Variants in ALG9 observed in about 807,000 individuals in gnomAD.
ALG9 encodes alpha-1,2-mannosyltransferase ALG9.
Under a neutral mutation model 81.8 loss-of-function variants are expected in ALG9, and 55 were observed. That is an observed-to-expected ratio of 0.67 (90% CI 0.54 to 0.84). The LOEUF (loss-of-function observed/expected upper bound fraction) is 0.84. ALG9 is among the 40% of genes least tolerant of loss of function. The pLI, the probability that ALG9 is intolerant of heterozygous loss-of-function variation, is 0.00. For synonymous variants in ALG9, 278 were observed against 274.3 expected (o/e 1.01, Z -0.13); for missense variants, 629 against 745.0 (o/e 0.84, Z 1.81).
chr11:111,871,367 G>C lies in ALG9; in HGVS notation c.116C>G (p.Ala39Gly), dbSNP rs1023214859. The C allele has an allele frequency of 6.5e-7, 1 of 1,531,298 alleles. No homozygotes were observed. Among genetic ancestry groups the C allele is most frequent in the Non-Finnish European group, 8.7e-7 (1 of 1,144,950 alleles). 94.9% of individuals were successfully genotyped at this position (1,531,298 alleles called of 1,614,324 possible). The change falls in exon 1 of 15, where the codon GCG becomes GGG. Residue 39 changes from alanine (A) to glycine (G), a missense_variant. By Grantham distance (60) the Ala-to-Gly change is moderately conservative. Transcript: ENST00000616540. ...ELLGSREAGG[A>G]EHRTELSGNK... The stretch of plus-strand genomic sequence containing the variant: ...GCACACGTACTCGGTCCGGTGCTCC[G>C]CGCCGCCCGCCTCTCGGCTGCCCAG...
rs373274430 is a variant in ALG9 at position 111,865,727 on chromosome 11, C to A, written c.406-476G>T. Among the ~76,000 whole-genome samples, 6 of 152,222 alleles carry A rather than the reference C, an allele frequency of 3.9e-5. No individual in the cohort carries two copies. The East Asian group carries it at 1.2e-3, about 29-fold the overall frequency. ...GAGAAAATGTACAATATTATTTATACATCAGTTACAGCTATGGACACTATA... is the reference window on the plus strand; with the variant it reads ...GAGAAAATGTACAATATTATTTATAAATCAGTTACAGCTATGGACACTATA... On this transcript the variant is annotated intron_variant, in intron 3 of 14. Transcript: ENST00000616540.
At chr11:111,837,370 T>C (rs2136826513) in intron 12 of ALG9, 98 bp downstream of exon 12, 3 of 1,421,356 alleles carry the variant, frequency 2.1e-6, no homozygotes, top group South Asian at 2.3e-5. Flanking sequence ...TAACTCTCTG[T>C]GAAAACTCCA....
chr11:111,837,648 A>T, intron 11 of ALG9, 33 bp from the exon 12 acceptor site: 1 of 1,607,644 alleles, frequency 6.2e-7, no homozygotes, highest in Non-Finnish European at 8.5e-7. Context: ...AGAGCCAGAG[A>T]TGAGTAAGAT....
At chr11:111,870,525 T>C (rs1349598018) in intron 1 of ALG9, among the ~76,000 whole-genome samples, 155 bp from the exon 2 acceptor site, 1 of 152,190 alleles carries the variant, frequency 6.6e-6, no homozygotes, top group African/African-American at 2.4e-5. Context: ...AGTTGTTTTT[T>C]CTCAGTAAAA....
intron 14 of ALG9, chr11:111,788,536 G>A (rs1436184941): frequency 1.1e-5 from 5 of 438,890 alleles, no homozygotes; most frequent in Admixed American, 5.3e-5. Context: ...TTGAGCCCAG[G>A]AGTTTGAGCC....
Position 111,833,148 on chromosome 11 carries a change from G to T in ALG9, c.1602+3017C>A, listed in dbSNP as rs531222101. ...CTGAAGAGCTGTTTTTTCCTCCAAG[G>T]TTTCATCCATTGACTAGGTAGCTCC... On this transcript the variant is annotated intron_variant, in intron 13 of 14. Transcript: ENST00000616540. 2.0e-5 allele frequency among the ~76,000 whole-genome samples: 3 copies of T among 152,192 alleles called. No individual in the cohort carries two copies. In the East Asian group the frequency reaches 5.8e-4, roughly 29 times the overall value.
In ALG9 at chr11:111,835,252, C is replaced by T. The variant is rs540670379; in HGVS notation, c.1602+913G>A. On this transcript the variant is annotated intron_variant, in intron 13 of 14. Transcript: ENST00000616540. ...TGTGCTTTCTAATAATTCTAGACAA[C>T]GATCTTACACTGTCTTTGTGACCCA... Among the ~76,000 whole-genome samples, 7 of 152,312 alleles carry T rather than the reference C, an allele frequency of 4.6e-5. No individual in the cohort carries two copies. The South Asian group carries it at 8.3e-4, about 18-fold the overall frequency.
the ALG9 span, among the ~76,000 whole-genome samples, chr11:111,774,667 G>A: frequency 2.0e-5 from 3 of 151,998 alleles, no homozygotes; most frequent in African/African-American, 7.3e-5. Flanking sequence ...TTTTTCTATT[G>A]CAGGACTCAC....
At chr11:111,858,798 A>C (rs754341011) in intron 5 of ALG9, among the ~76,000 whole-genome samples, 16 of 152,242 alleles carry the variant, frequency 1.1e-4, no homozygotes, top group Non-Finnish European at 1.9e-4. Context: ...TTTTAAACTC[A>C]GCAAAGGGTT....
chr11:111,850,706 C>CAAAAAAAAAAA lies in ALG9; in HGVS notation c.895+2663_895+2673dup, dbSNP rs782114013. 4.3e-4 allele frequency among the ~76,000 whole-genome samples: 29 copies of CAAAAAAAAAAA among 66,668 alleles called. 2 individuals carry two copies. Among genetic ancestry groups the CAAAAAAAAAAA allele is most frequent in the African/African-American group, 1.6e-3 (17 of 10,858 alleles). The allele number at this position is 66,668 out of a possible 152,430, so 43.7% of individuals were successfully genotyped here. A position where few individuals can be genotyped will look rare whatever the true frequency, so the allele number is the denominator to read the frequency against. On this transcript the variant is annotated intron_variant, in intron 8 of 14. Transcript: ENST00000616540. ...CGGGTGACAGAGCGAGATACTGTCT[C>CAAAAAAAAAAA]AAAAAAAAAAAAAAAAAATCAGACA...
intron 8 of ALG9, among the ~76,000 whole-genome samples, chr11:111,850,099 T>C (rs139650377): frequency 1.9e-3 from 296 of 152,324 alleles, no homozygotes; most frequent in Admixed American, 7.4e-3. Flanking sequence ...CCAATTATAA[T>C]AAAATTAGCT....
chr11:111,834,799 T>C (rs547769253), intron 13 of ALG9, among the ~76,000 whole-genome samples: 1 of 152,216 alleles, frequency 6.6e-6, no homozygotes, highest in Non-Finnish European at 1.5e-5. Context: ...AGGAGACTCA[T>C]ATCTGCAGAT....
At chr11:111,826,913 T>C (rs1385848528) in intron 13 of ALG9, among the ~76,000 whole-genome samples, 4 of 152,196 alleles carry the variant, frequency 2.6e-5, no homozygotes, top group African/African-American at 9.6e-5. Flanking sequence ...TTTTGTATTA[T>C]TATAGTCTGG....
At chr11:111,806,688 A>C (rs1555085620) in intron 14 of ALG9, among the ~76,000 whole-genome samples, 1 of 152,140 alleles carries the variant, frequency 6.6e-6, no homozygotes, top group Non-Finnish European at 1.5e-5. Flanking sequence ...TCTAAATGCC[A>C]ATAGTTCTAA....
intron 4 of ALG9, chr11:111,864,159 G>A: frequency 1.8e-6 from 1 of 541,888 alleles, no homozygotes; most frequent in East Asian, 3.1e-5. Context: ...AAAAGAAAAA[G>A]AAGAGAACAA....
chr11:111,821,463 G>T (rs1435450618), intron 13 of ALG9, among the ~76,000 whole-genome samples: 1 of 152,058 alleles, frequency 6.6e-6, no homozygotes, highest in Non-Finnish European at 1.5e-5. Context: ...AGCTCGACAG[G>T]GTCTTCTTTT....
At chr11:111,870,445 A>C in intron 1 of ALG9, 75 bp from the exon 2 acceptor site, 1 of 1,477,674 alleles carries the variant, frequency 6.8e-7, no homozygotes, top group Non-Finnish European at 8.9e-7. Flanking sequence ...ACCTAAATCT[A>C]GATAGAAAGG....
chr11:111,795,527 T>C (rs782402536), intron 14 of ALG9, among the ~76,000 whole-genome samples: 3 of 152,240 alleles, frequency 2.0e-5, no homozygotes, highest in Non-Finnish European at 4.4e-5. Flanking sequence ...CAGAATTTGC[T>C]GAATCAGCAT....
At chr11:111,864,121 CA>C in intron 4 of ALG9, 1 of 481,248 alleles carries the variant, frequency 2.1e-6, no homozygotes, top group Non-Finnish European at 3.8e-6. Context: ...ACCTGTACCC[CA>C]AAAACTATTG....
Sources: gnomAD v4.1 joint callset for allele counts (sites outside exome capture counted in the v4.1 genomes callset) on GRCh38, gnomAD v4.1.1 for gene constraint, MANE v1.5 for transcripts, NCBI Gene and HGNC (gene_info 2026-07-23, HGNC 2026-07-21) for gene names.